CDH20: variants seen among roughly 807,000 people sequenced by gnomAD.
CDH20 encodes the protein cadherin 20.
CDH20 carries 29 observed loss-of-function variants against 74.2 expected under a neutral mutation model. The observed-to-expected ratio is 0.39, with a 90% CI of 0.29 to 0.53. The LOEUF (loss-of-function observed/expected upper bound fraction) is 0.53. Among genes scored for constraint, CDH20 ranks in the 20% least tolerant of loss-of-function variants. The pLI, the probability that CDH20 is intolerant of heterozygous loss-of-function variation, is 0.69. For synonymous variants in CDH20, 469 were observed against 405.4 expected (o/e 1.16, Z -1.88); for missense variants, 988 against 1,048.3 (o/e 0.94, Z 0.79).
At chr18:61,382,942 G>A (rs1182056828) in intron 1 of CDH20, among the ~76,000 whole-genome samples, 1 of 152,122 alleles carries the variant, frequency 6.6e-6, no homozygotes, top group Non-Finnish European at 1.5e-5. Context: ...GGCAGCATGG[G>A]TTTGAATCTC....
At chr18:61,343,158 C>T (rs1408358965) in intron 1 of CDH20, among the ~76,000 whole-genome samples, 2 of 152,178 alleles carry the variant, frequency 1.3e-5, no homozygotes, top group African/African-American at 4.8e-5. Context: ...CAGTGCACAA[C>T]AACTACTTCT....
chr18:61,538,596 G>GTTGT (rs1912899197), intron 8 of CDH20, among the ~76,000 whole-genome samples: 2 of 24,518 alleles, frequency 8.2e-5, no homozygotes, highest in Non-Finnish European at 1.9e-4. Context: ...TTGTTTGTTT[G>GTTGT]TTTTTGTTTT....
At chr18:61,453,569 A>G (rs1196942322) in intron 1 of CDH20, among the ~76,000 whole-genome samples, 2 of 152,098 alleles carry the variant, frequency 1.3e-5, no homozygotes, top group South Asian at 2.1e-4. Context: ...GTGAGCCACC[A>G]CGCCCAGCCG....
At chr18:61,359,789 G>A (rs1910627906) in intron 1 of CDH20, among the ~76,000 whole-genome samples, 1 of 152,196 alleles carries the variant, frequency 6.6e-6, no homozygotes, top group Non-Finnish European at 1.5e-5. Context: ...TTAGGTTCTA[G>A]TCACTGGTGA....
chr18:61,539,297 C>A lies in CDH20; in HGVS notation c.1530+152C>A, dbSNP rs774871308. 60 of 805,486 alleles carry A rather than the reference C, an allele frequency of 7.4e-5. 1 individual carries two copies. Among genetic ancestry groups the A allele is most frequent in the South Asian group, 7.4e-4 (43 of 57,794 alleles). The allele number at this position is 805,486 out of a possible 1,614,324, so 49.9% of individuals were successfully genotyped here. A position where few individuals can be genotyped will look rare whatever the true frequency, so the allele number is the denominator to read the frequency against. Reference sequence around the variant, plus strand: ...TAATTCCCGTATATCAGGTTTCAACCATTTATTTGTTAAGACAACTATTTG... The same window carrying A: ...TAATTCCCGTATATCAGGTTTCAACAATTTATTTGTTAAGACAACTATTTG... On this transcript the variant is annotated intron_variant, in intron 9 of 11. Coordinates refer to ENST00000262717, the MANE Select transcript of CDH20 (RefSeq NM_031891.4).
At chr18:61,538,994 C>T in intron 8 of CDH20, 30 bp from the exon 9 acceptor site, 1 of 1,604,074 alleles carries the variant, frequency 6.2e-7, no homozygotes, top group Non-Finnish European at 8.5e-7. Context: ...ACTAAACTCT[C>T]AGATTTGGTT....
intron 1 of CDH20, among the ~76,000 whole-genome samples, chr18:61,345,362 G>A (rs760610108): frequency 2.0e-5 from 3 of 152,160 alleles, no homozygotes; most frequent in Non-Finnish European, 2.9e-5. Context: ...TTTGCCAAGA[G>A]GCAGGAGGCT....
At chr18:61,349,104 C>T (rs1403596071) in intron 1 of CDH20, among the ~76,000 whole-genome samples, 1 of 152,108 alleles carries the variant, frequency 6.6e-6, no homozygotes, top group Non-Finnish European at 1.5e-5. Context: ...CTGTTAGAAA[C>T]ATTGGAATTA....
Position 61,346,620 on chromosome 18 carries a change from G to A in CDH20, c.-153+12793G>A, listed in dbSNP as rs937184858. The stretch of plus-strand genomic sequence containing the variant: ...ACAAGTTTGACACACGTTTCTCTTT[G>A]AGGTTTTGCAAAAAAAGAAAAATCT... On this transcript the variant is annotated intron_variant, in intron 1 of 11. Coordinates refer to ENST00000262717, the MANE Select transcript of CDH20 (RefSeq NM_031891.4). Among the ~76,000 whole-genome samples the A allele has an allele frequency of 5.3e-5, 8 of 152,152 alleles. No homozygotes were observed. The East Asian group carries it at 1.5e-3, about 29-fold the overall frequency.
At chr18:61,387,485 G>A (rs924291486) in intron 1 of CDH20, among the ~76,000 whole-genome samples, 1 of 152,176 alleles carries the variant, frequency 6.6e-6, no homozygotes, top group Non-Finnish European at 1.5e-5. Flanking sequence ...ATATGTGTCA[G>A]TTTGCTCAAT....
intron 11 of CDH20, among the ~76,000 whole-genome samples, chr18:61,553,622 GT>G (rs1040581698): frequency 6.6e-6 from 1 of 152,102 alleles, no homozygotes; most frequent in Non-Finnish European, 1.5e-5. Context: ...ATGTTCTGTT[GT>G]TTTTTAGAGG....
chr18:61,475,802 G>C (rs1910358091), intron 1 of CDH20, among the ~76,000 whole-genome samples: 1 of 152,108 alleles, frequency 6.6e-6, no homozygotes, highest in African/African-American at 2.4e-5. Flanking sequence ...CCGAAGTTTT[G>C]TACATATAGC....
At chr18:61,517,745 G>A (rs1227212693) in intron 6 of CDH20, among the ~76,000 whole-genome samples, 3 of 151,972 alleles carry the variant, frequency 2.0e-5, no homozygotes, top group African/African-American at 7.3e-5. Context: ...ACCCCCAGTG[G>A]CACCTGGAAT....
rs529156002 is a variant in CDH20 at position 61,393,263 on chromosome 18, C to T, written c.-153+59436C>T. On this transcript the variant is annotated intron_variant, in intron 1 of 11. Coordinates refer to ENST00000262717, the MANE Select transcript of CDH20 (RefSeq NM_031891.4). Reference sequence around the variant, plus strand: ...CTCTTTTCCTAGGCTTTCCACACCACACTTCACAGTGCCTGCCAAATCCAG... The same window carrying T: ...CTCTTTTCCTAGGCTTTCCACACCATACTTCACAGTGCCTGCCAAATCCAG... 7.4e-4 allele frequency among the ~76,000 whole-genome samples: 113 copies of T among 152,320 alleles called. 2 individuals carry two copies. In the South Asian group the frequency reaches 0.02, roughly 27 times the overall value.
intron 2 of CDH20, among the ~76,000 whole-genome samples, chr18:61,498,866 T>G (rs1483384949): frequency 6.6e-6 from 1 of 152,222 alleles, no homozygotes; most frequent in African/African-American, 2.4e-5. Context: ...CTTATTAAAT[T>G]TGTTCTTATT....
At chr18:61,455,552 C>T (rs1909545459) in intron 1 of CDH20, among the ~76,000 whole-genome samples, 3 of 152,040 alleles carry the variant, frequency 2.0e-5, no homozygotes, top group Non-Finnish European at 2.9e-5. Flanking sequence ...TATAAAACCA[C>T]TGGAAGGTCA....
intron 1 of CDH20, among the ~76,000 whole-genome samples, chr18:61,428,438 T>C (rs1020773011): frequency 6.6e-6 from 1 of 152,182 alleles, no homozygotes; most frequent in Admixed American, 6.5e-5. Flanking sequence ...TGGTTCATTG[T>C]GTTGACGGCT....
At chr18:61,356,284 T>C (rs1003412626) in intron 1 of CDH20, among the ~76,000 whole-genome samples, 1 of 152,238 alleles carries the variant, frequency 6.6e-6, no homozygotes, top group African/African-American at 2.4e-5. Flanking sequence ...CTACCTTTTG[T>C]ACTTTTAAGA....
At chr18:61,483,078 A>G (rs992597849) in intron 1 of CDH20, among the ~76,000 whole-genome samples, 2 of 149,376 alleles carry the variant, frequency 1.3e-5, no homozygotes, top group Non-Finnish European at 3.0e-5. Context: ...GGTCTAGTTC[A>G]TATGTTCCCT....
Sources: allele counts gnomAD v4.1 joint callset (sites outside exome capture counted in the v4.1 genomes callset), GRCh38; gene constraint gnomAD v4.1.1; transcripts MANE v1.5; gene names NCBI Gene and HGNC (gene_info 2026-07-23, HGNC 2026-07-21).